Variants in CAPN5 observed in about 807,000 individuals in gnomAD.
CAPN5 encodes the protein calpain 5.
In CAPN5, 54 loss-of-function variants were observed where a neutral mutation model predicts 73.0. The observed-to-expected ratio is 0.74, with a 90% CI of 0.59 to 0.93. The LOEUF (loss-of-function observed/expected upper bound fraction) is 0.93. CAPN5 is among the 40% of genes least tolerant of loss of function. The pLI, the probability that CAPN5 is intolerant of heterozygous loss-of-function variation, is 0.00. For synonymous variants in CAPN5, 335 were observed against 356.9 expected, an observed-to-expected ratio of 0.94 and a Z score of 0.69; for missense variants, 785 against 882.9, an observed-to-expected ratio of 0.89 and a Z score of 1.41.
chr11:77,079,488 ACTATT>A (rs1378383231), intron 1 of CAPN5, among the ~76,000 whole-genome samples: 1 of 152,160 alleles, frequency 6.6e-6, no homozygotes, highest in Non-Finnish European at 1.5e-5. Flanking sequence ...GTTATTGTTT[ACTATT>A]CTATTATATG....
At chr11:77,115,270 C>T (rs1950454222) in intron 5 of CAPN5, 125 bp from the exon 6 acceptor site, 3 of 711,558 alleles carry the variant, frequency 4.2e-6, no homozygotes, top group Non-Finnish European at 4.6e-6. Flanking sequence ...ACAGCACTGC[C>T]CCATGACTGC....
chr11:77,103,377 C>T (rs1950309799), intron 3 of CAPN5: 1 of 1,554,836 alleles, frequency 6.4e-7, no homozygotes, highest in African/African-American at 1.4e-5. Flanking sequence ...CTGTGCTCTC[C>T]CCTGCCCCTG....
At chr11:77,092,746 G>GCCAGCAGATCAGGAGTTTGAGA (rs1284679581) in intron 2 of CAPN5, among the ~76,000 whole-genome samples, 1 of 152,232 alleles carries the variant, frequency 6.6e-6, no homozygotes, top group Non-Finnish European at 1.5e-5. Flanking sequence ...GGAGGCCGAG[G>GCCAGCAGATCAGGAGTTTGAGA]CCAGCAGATC....
At chr11:77,077,867 G>A (rs973335474) in intron 1 of CAPN5, among the ~76,000 whole-genome samples, 2 of 152,112 alleles carry the variant, frequency 1.3e-5, no homozygotes, top group Non-Finnish European at 2.9e-5. Flanking sequence ...GTCTTCTGTA[G>A]AGAAATGTCT....
intron 10 of CAPN5, among the ~76,000 whole-genome samples, 174 bp downstream of exon 10, chr11:77,121,083 C>T (rs1277528866): frequency 6.6e-6 from 1 of 152,248 alleles, no homozygotes; most frequent in Non-Finnish European, 1.5e-5. Context: ...CCCAGCATCC[C>T]TGGCCATGAC....
At position 77,125,936 on chromosome 11, in the gene CAPN5, C is replaced by T. The variant is rs1282259717; in HGVS notation, c.*2066C>T. 1 of 152,370 alleles carries T rather than the reference C, an allele frequency of 6.6e-6. No homozygotes were observed. The highest frequency in any genetic ancestry group is 2.4e-5 in the African/African-American group (1 of 41,432). 9.4% of individuals were successfully genotyped at this position (152,370 alleles called of 1,614,324 possible). ...GCAGGGATCTCTGGTCCCCAGGAGA[C>T]CTTGGGGGCCAGGCAGGTAAGGATC... On this transcript the variant is annotated 3_prime_UTR_variant, in exon 13 of 13. Transcript: ENST00000648180.
intron 4 of CAPN5, among the ~76,000 whole-genome samples, chr11:77,113,622 CA>C (rs1180533567): frequency 1.3e-5 from 2 of 152,124 alleles, no homozygotes; most frequent in Non-Finnish European, 2.9e-5. Flanking sequence ...AAAGGAAAGA[CA>C]AAAACTCCCA....
chr11:77,080,169 T>C (rs1363246697), intron 1 of CAPN5, among the ~76,000 whole-genome samples: 2 of 152,200 alleles, frequency 1.3e-5, no homozygotes, highest in Admixed American at 6.5e-5. Flanking sequence ...CTTATACTTG[T>C]GGCTTATTTC....
chr11:77,096,697 A>G (rs11828119), intron 3 of CAPN5, among the ~76,000 whole-genome samples: 92,861 of 152,190 alleles, frequency 0.61, 29,310 homozygotes, highest in African/African-American at 0.79. Context: ...CTAAGCCAAG[A>G]TCTGCTGTGA....
intron 1 of CAPN5, among the ~76,000 whole-genome samples, chr11:77,076,730 T>C (rs952421733): frequency 6.6e-6 from 1 of 152,238 alleles, no homozygotes; most frequent in Non-Finnish European, 1.5e-5. Flanking sequence ...TATTACATTG[T>C]ATGTATATAC....
intron 3 of CAPN5, among the ~76,000 whole-genome samples, chr11:77,102,311 A>C (rs1555039001): frequency 6.6e-6 from 1 of 152,008 alleles, no homozygotes; most frequent in African/African-American, 2.4e-5. Flanking sequence ...AGTGAGAGGG[A>C]GGCGGGCGTC....
intron 1 of CAPN5, among the ~76,000 whole-genome samples, chr11:77,069,959 G>C (rs1368895581): frequency 8.5e-5 from 13 of 152,182 alleles, no homozygotes; most frequent in Middle Eastern, 3.4e-3. Context: ...ACTTGCCTAT[G>C]AACTCAGGCT....
intron 6 of CAPN5, among the ~76,000 whole-genome samples, chr11:77,115,967 C>T (rs894893390): frequency 4.6e-5 from 7 of 152,104 alleles, no homozygotes; most frequent in African/African-American, 1.7e-4. Flanking sequence ...GGGTCGCACC[C>T]CCCTTCCCCC....
intron 3 of CAPN5, among the ~76,000 whole-genome samples, chr11:77,099,637 C>T (rs1194213050): frequency 5.3e-5 from 8 of 151,042 alleles, no homozygotes; most frequent in South Asian, 2.1e-4. Context: ...GAGAATCAGG[C>T]AGGGAGGTTG....
Position 77,093,823 on chromosome 11 carries a change from C to T in CAPN5, c.297+10C>T, listed in dbSNP as rs782295987. The stretch of plus-strand genomic sequence containing the variant: ...GTCGCTGTGGCAAAAGGTGAGGCCT[C>T]GGGCAGAGTGGGCAGGGTGCTGGGG... On this transcript the variant is annotated intron_variant, in intron 3 of 12. Transcript: ENST00000648180. 1.2e-5 allele frequency: 19 copies of T among 1,607,998 alleles called. No individual in the cohort carries two copies. Among genetic ancestry groups the T allele is most frequent in the Middle Eastern group, 1.7e-4 (1 of 6,036 alleles).
In CAPN5 at chr11:77,093,772, G is replaced by C; in HGVS notation, c.256G>C (p.Ala86Pro). The C allele has an allele frequency of 1.2e-6, 2 of 1,612,198 alleles. No homozygotes were observed. Among genetic ancestry groups the C allele is most frequent in the Non-Finnish European group, 1.7e-6 (2 of 1,179,998 alleles). Reference protein sequence around the residue: ...GQVGNCWFVAACSSLASRESL... With the variant: ...GQVGNCWFVAPCSSLASRESL... ...GGTGGGCAACTGCTGGTTTGTGGCAGCCTGCTCGTCACTTGCCTCCCGGGA... is the reference window on the plus strand; with the variant it reads ...GGTGGGCAACTGCTGGTTTGTGGCACCCTGCTCGTCACTTGCCTCCCGGGA... Residue 86 changes from alanine (A) to proline (P), a missense_variant, in exon 3 of 13, where the codon GCC (alanine) becomes CCC (proline). Coordinates refer to ENST00000648180, the MANE Select transcript of CAPN5 (RefSeq NM_004055.5).
At chr11:77,123,057 T>C (rs1053859042) in intron 12 of CAPN5, among the ~76,000 whole-genome samples, 1 of 152,216 alleles carries the variant, frequency 6.6e-6, no homozygotes, top group Non-Finnish European at 1.5e-5. Flanking sequence ...GTTGAGCCAC[T>C]GTGTGGTGCG....
intron 2 of CAPN5, among the ~76,000 whole-genome samples, chr11:77,085,602 A>G (rs1488765363): frequency 6.6e-6 from 1 of 152,236 alleles, no homozygotes; most frequent in Non-Finnish European, 1.5e-5. Flanking sequence ...ACAGCCTGGC[A>G]GCCAGTACGG....
rs1950496442 is a variant in CAPN5 at position 77,119,042 on chromosome 11, G to C, written c.1180G>C (p.Val394Leu). 4 of 1,613,430 alleles carry C rather than the reference G, an allele frequency of 2.5e-6. No homozygotes were observed. Among genetic ancestry groups the C allele is most frequent in the Non-Finnish European group, 3.4e-6 (4 of 1,179,770 alleles). The change falls in exon 9 of 13, where the codon GTC becomes CTC. Residue 394 changes from valine to leucine, a missense_variant. Val to Leu is a conservative substitution (Grantham distance 32). Transcript: ENST00000648180. The part of the protein sequence containing the change: ...FFQNPQYIFE[V>L]KKPEDEVLIC... Reference sequence around the variant, plus strand: ...GCCACACCTGCAGTACATCTTCGAAGTCAAGAAGCCAGAAGATGAAGTCCT... The same window carrying C: ...GCCACACCTGCAGTACATCTTCGAACTCAAGAAGCCAGAAGATGAAGTCCT...
Sources: gnomAD v4.1 joint callset for allele counts (sites outside exome capture counted in the v4.1 genomes callset) on GRCh38, gnomAD v4.1.1 for gene constraint, MANE v1.5 for transcripts, NCBI Gene and HGNC (gene_info 2026-07-23, HGNC 2026-07-21) for gene names.